The following SAMMSON variants were observed in gnomAD, a reference collection of about 807,000 sequenced individuals.
The protein encoded by SAMMSON is survival associated mitochondrial melanoma specific oncogenic non-coding RNA.
At chr3:70,059,653 G>A (rs2067180382) in intron 3 of SAMMSON, among the ~76,000 whole-genome samples, 1 of 152,014 alleles carries the variant, frequency 6.6e-6, no homozygotes, top group Admixed American at 6.6e-5. Context: ...ACATTGGTGA[G>A]GACAGTCTGA....
At chr3:70,106,418 G>A (rs1236382426) in intron 4 of SAMMSON, among the ~76,000 whole-genome samples, 2 of 150,418 alleles carry the variant, frequency 1.3e-5, no homozygotes, top group African/African-American at 2.4e-5. Flanking sequence ...ATAGCACATT[G>A]TAGTTTCAAA....
chr3:70,229,573 T>C (rs1701539733), intron 4 of SAMMSON, among the ~76,000 whole-genome samples: 1 of 152,218 alleles, frequency 6.6e-6, no homozygotes, highest in Admixed American at 6.5e-5. Flanking sequence ...AGAAATGATG[T>C]AGCTCCCTTG....
At position 70,163,125 on chromosome 3, in the gene SAMMSON, TTAATC is replaced by T. The variant is rs551806825; in HGVS notation, n.508-85979_508-85975del. ...CAACCTCTATCTTTTGATTGGATGC[TTAATC>T]TATTCACATTCAACGCAATGATTGA... On this transcript the variant is annotated intron_variant and non_coding_transcript_variant, in intron 4 of 9. Coordinates refer to ENST00000642114, the Ensembl canonical transcript of SAMMSON. Among the ~76,000 whole-genome samples, 1,070 of 151,836 alleles carry T rather than the reference TTAATC, an allele frequency of 7.0e-3. 5 individuals are homozygous for T. The highest frequency in any genetic ancestry group is 0.014 in the Middle Eastern group (4 of 292).
intron 4 of SAMMSON, among the ~76,000 whole-genome samples, chr3:70,177,125 C>T (rs770776912): frequency 6.6e-6 from 1 of 152,180 alleles, no homozygotes; most frequent in Non-Finnish European, 1.5e-5. Context: ...AATATATATA[C>T]ATCTATTTGT....
At chr3:70,028,500 C>A (rs1348013833) in intron 3 of SAMMSON, among the ~76,000 whole-genome samples, 1 of 152,042 alleles carries the variant, frequency 6.6e-6, no homozygotes, top group African/African-American at 2.4e-5. Flanking sequence ...GGGTAGGTGG[C>A]AAATTCCTGT....
At chr3:70,324,759 A>G (rs1474469413) in intron 7 of SAMMSON, among the ~76,000 whole-genome samples, 1 of 152,132 alleles carries the variant, frequency 6.6e-6, no homozygotes, top group Non-Finnish European at 1.5e-5. Context: ...AGATCGAACA[A>G]GAGAAAGGCC....
chr3:70,232,591 G>A (rs1044127993), intron 4 of SAMMSON, among the ~76,000 whole-genome samples: 1 of 151,814 alleles, frequency 6.6e-6, no homozygotes, highest in African/African-American at 2.4e-5. Flanking sequence ...ATAGAGACGG[G>A]GTTTCACTGT....
chr3:70,334,378 G>C (rs1434919149), intron 7 of SAMMSON, among the ~76,000 whole-genome samples: 1 of 151,746 alleles, frequency 6.6e-6, no homozygotes, highest in Non-Finnish European at 1.5e-5. Flanking sequence ...AAGTATATGT[G>C]ATATATACAT....
intron 6 of SAMMSON, among the ~76,000 whole-genome samples, chr3:70,266,308 G>T (rs141245773): frequency 6.6e-6 from 1 of 152,090 alleles, no homozygotes; most frequent in East Asian, 1.9e-4. Flanking sequence ...AATTCATATA[G>T]CTCAACACTG....
chr3:70,124,010 C>T (rs772769837), intron 4 of SAMMSON, among the ~76,000 whole-genome samples: 6 of 152,300 alleles, frequency 3.9e-5, no homozygotes, highest in South Asian at 2.1e-4. Flanking sequence ...GGCGGATGCC[C>T]GGAAGACAGA....
At position 70,372,503 on chromosome 3, in the gene SAMMSON, C is replaced by T. The variant is rs946005439; in HGVS notation, n.913+14179C>T. 2.6e-5 allele frequency among the ~76,000 whole-genome samples: 4 copies of T among 151,896 alleles called. No homozygotes were observed. In the East Asian group the frequency reaches 7.8e-4, roughly 30 times the overall value. On this transcript the variant is annotated intron_variant and non_coding_transcript_variant, in intron 9 of 9. Coordinates refer to ENST00000642114, the Ensembl canonical transcript of SAMMSON. ...TTAGTAGAGACGGGGTTTCACCATG[C>T]TGGCCAGGCTGGTCTCAAACTCCTG... is the stretch of plus-strand genomic sequence containing the variant.
chr3:70,105,193 A>G (rs920800879), intron 4 of SAMMSON, among the ~76,000 whole-genome samples: 1 of 152,144 alleles, frequency 6.6e-6, no homozygotes. Context: ...CCATTGACTA[A>G]TTCACTTTGC....
At chr3:70,004,447 T>TA (rs1475618763) in intron 1 of SAMMSON, among the ~76,000 whole-genome samples, 2 of 152,148 alleles carry the variant, frequency 1.3e-5, no homozygotes, top group African/African-American at 4.8e-5. Flanking sequence ...TATTATTCTG[T>TA]AGGTGCAATA....
chr3:70,146,467 A>G (rs1576134801), intron 4 of SAMMSON, among the ~76,000 whole-genome samples: 1 of 152,010 alleles, frequency 6.6e-6, no homozygotes, highest in Non-Finnish European at 1.5e-5. Flanking sequence ...ATACACCATG[A>G]CCAAGTGGGA....
chr3:70,355,128 C>T (rs1349864234), intron 8 of SAMMSON, among the ~76,000 whole-genome samples: 1 of 152,182 alleles, frequency 6.6e-6, no homozygotes, highest in Admixed American at 6.5e-5. Flanking sequence ...TAGGAGACTT[C>T]AGGTCTCTTC....
At position 70,324,002 on chromosome 3, in the gene SAMMSON, C is replaced by T. The variant is rs188807364; in HGVS notation, n.740-30173C>T. 7.2e-5 allele frequency among the ~76,000 whole-genome samples: 11 copies of T among 152,196 alleles called. No homozygotes were observed. In the East Asian group the frequency reaches 1.4e-3, roughly 19 times the overall value. On this transcript the variant is annotated intron_variant and non_coding_transcript_variant, in intron 7 of 9. Coordinates refer to ENST00000642114, the Ensembl canonical transcript of SAMMSON. ...ATTCCAGCCTGTCCATGCCATCCTC[C>T]ACTTTACATTCATTCGTCCCTTCCT... is the stretch of plus-strand genomic sequence containing the variant.
intron 4 of SAMMSON, chr3:70,125,756 T>C (rs1477980526): frequency 3.0e-6 from 2 of 662,842 alleles, no homozygotes; most frequent in East Asian, 2.7e-5. Flanking sequence ...ATGTTCAACA[T>C]ATCCTTTATT....
rs984603782 is a variant in SAMMSON at position 70,315,805 on chromosome 3, C to A, written n.739+24562C>A. Among the ~76,000 whole-genome samples, 7 of 152,042 alleles carry A rather than the reference C, an allele frequency of 4.6e-5. No individual in the cohort carries two copies. The East Asian group carries it at 1.4e-3, about 29-fold the overall frequency. ...AGACAGACTGGGAAACCACAGAGAC[C>A]CAACCAAACGCTCAAAAGTGACAAG... is the stretch of plus-strand genomic sequence containing the variant. On this transcript the variant is annotated intron_variant and non_coding_transcript_variant, in intron 7 of 9. Transcript: ENST00000642114.
At chr3:70,418,675 C>T (rs1701284098) in intron 2 of SAMMSON, among the ~76,000 whole-genome samples, 1 of 152,118 alleles carries the variant, frequency 6.6e-6, no homozygotes, top group Non-Finnish European at 1.5e-5. Context: ...AGCCACCTGC[C>T]CACTCCTCCT....
Sources: gnomAD v4.1 joint callset for allele counts (sites outside exome capture counted in the v4.1 genomes callset) on GRCh38, gnomAD v4.1.1 for gene constraint, MANE v1.5 for transcripts, NCBI Gene and HGNC (gene_info 2026-07-23, HGNC 2026-07-21) for gene names.